Variants in KLHL25 observed in about 807,000 individuals in gnomAD.
KLHL25 encodes the protein kelch-like protein 25.
In KLHL25, 41 loss-of-function variants were observed where a neutral mutation model predicts 30.0. The observed-to-expected ratio is 1.37, with a 90% CI of 1.07 to 1.78. KLHL25 has a LOEUF of 1.78. KLHL25 is among the 40% of genes most tolerant of loss of function. The probability of loss-of-function intolerance (pLI) is 0.00; values close to 1 mark genes in which losing one functional copy is unlikely to be tolerated. For missense variants in KLHL25, 971 were observed against 824.5 expected (o/e 1.18, Z -2.18); for synonymous variants, 399 against 355.3 (o/e 1.12, Z -1.38).
intron 1 of KLHL25, among the ~76,000 whole-genome samples, chr15:85,772,714 G>C (rs2089685252): frequency 6.6e-6 from 1 of 152,204 alleles, no homozygotes; most frequent in Admixed American, 6.5e-5. Context: ...AATTGAAACA[G>C]GGCAGCCACA....
At chr15:85,762,120 G>A (rs540272730) in intron 2 of KLHL25, 3 of 152,404 alleles carry the variant, frequency 2.0e-5, no homozygotes, top group Admixed American at 6.5e-5. Context: ...TGGGTTCGGC[G>A]ACTGAGAAGG....
chr15:85,790,648 T>G (rs1202264508), intron 1 of KLHL25, among the ~76,000 whole-genome samples: 1 of 152,158 alleles, frequency 6.6e-6, no homozygotes, highest in Non-Finnish European at 1.5e-5. Context: ...CTGACTCAAG[T>G]GCTCTTTCTG....
rs576475874 is a variant in KLHL25, at chr15:85,768,864, T to C, written c.947A>G (p.Lys316Arg). 1.8e-5 allele frequency: 29 copies of C among 1,613,364 alleles called. No homozygotes were observed. The South Asian group carries it at 2.4e-4, about 13-fold the overall frequency. ...GGCCTTGGGGATGATCTCCTTGGCC[T>C]TGTGGTCCACCTGGTAGATCTTGTC... The part of the protein sequence containing the change: ...MCDKIYQVDH[K>R]AKEIIPKADL... Residue 316 changes from lysine to arginine, a missense_variant, in exon 2 of 3, where the codon AAG (lysine) becomes AGG (arginine). By Grantham distance (26) the Lys-to-Arg change is conservative (BLOSUM62 2). Coordinates refer to ENST00000337975, the MANE Select transcript of KLHL25 (RefSeq NM_022480.4).
rs2089563989 is a variant in KLHL25, at chr15:85,759,454, C to T, written c.*1582G>A. 2 of 152,496 alleles carry T rather than the reference C, an allele frequency of 1.3e-5. No individual in the cohort carries two copies. The highest frequency in any genetic ancestry group is 1.3e-4 in the Admixed American group (2 of 15,292). 9.4% of individuals were successfully genotyped at this position (152,496 alleles called of 1,614,324 possible). On this transcript the variant is annotated 3_prime_UTR_variant, in exon 3 of 3. Coordinates refer to ENST00000337975, the MANE Select transcript of KLHL25 (RefSeq NM_022480.4). ...ATCTCAATGAAGCAACCCCACGGGT[C>T]CAGGCACCCTCCCTGCAGTCCCCGC...
intron 1 of KLHL25, among the ~76,000 whole-genome samples, chr15:85,773,460 C>T (rs543043515): frequency 1.3e-5 from 2 of 152,344 alleles, no homozygotes; most frequent in South Asian, 2.1e-4. Context: ...GCCTCCTCCT[C>T]GCACTCACAC....
intron 1 of KLHL25, among the ~76,000 whole-genome samples, chr15:85,780,074 A>G (rs572758329): frequency 7.2e-5 from 11 of 152,328 alleles, no homozygotes; most frequent in Middle Eastern, 3.4e-3. Flanking sequence ...CAGCCCCTCT[A>G]AACTGTCAAG....
chr15:85,770,116 TC>T (rs1162976276), intron 1 of KLHL25, among the ~76,000 whole-genome samples: 6 of 152,302 alleles, frequency 3.9e-5, no homozygotes, highest in Admixed American at 3.3e-4. Context: ...TGAGGCTGCC[TC>T]CCATGGTTAA....
intron 1 of KLHL25, among the ~76,000 whole-genome samples, chr15:85,774,103 C>CG (rs1268920383): frequency 6.6e-6 from 1 of 152,086 alleles, no homozygotes; most frequent in South Asian, 2.1e-4. Flanking sequence ...CTCCCAGCGG[C>CG]GGGGGGTGGG....
Position 85,768,365 on chromosome 15 carries a change from C to T in KLHL25, c.1446G>A (p.Trp482Ter). Residue 482 changes from tryptophan (W) to a stop codon, truncating the protein, a stop_gained, in exon 2 of 3, where the codon TGG (tryptophan) becomes TGA (stop). Coordinates refer to ENST00000337975, the MANE Select transcript of KLHL25 (RefSeq NM_022480.4). LOFTEE classifies it high-confidence loss of function. ...CCAGGACGGCAGCGGCTGTGTACCG[C>T]CAAGGCTGGGGGCACTCGGCCTTGA... ...WTIKAECPQP[W>*]RYTAAAVLGS... The T allele has an allele frequency of 3.1e-6, 5 of 1,613,750 alleles. No individual in the cohort carries two copies. The highest frequency in any genetic ancestry group is 1.1e-5 in the South Asian group (1 of 91,086).
Position 85,794,856 on chromosome 15 carries a change from G to C in KLHL25, c.-101C>G, listed in dbSNP as rs978642640. The C allele has an allele frequency of 6.6e-6, 1 of 152,392 alleles. No homozygotes were observed. Among genetic ancestry groups the C allele is most frequent in the Non-Finnish European group, 1.5e-5 (1 of 68,150 alleles). The allele number at this position is 152,392 out of a possible 1,614,324, so 9.4% of individuals were successfully genotyped here. On this transcript the variant is annotated 5_prime_UTR_variant, in exon 1 of 3. Transcript: ENST00000337975. ...AACAGGCTCCGCCGCGGCTCCCGTCGGCCGGCTCTCCACAGGCAAAAACGC... is the reference window on the plus strand; with the variant it reads ...AACAGGCTCCGCCGCGGCTCCCGTCCGCCGGCTCTCCACAGGCAAAAACGC...
chr15:85,789,014 T>A lies in KLHL25; in HGVS notation c.-11+5752A>T, dbSNP rs964002638. ...AGCAAACCTGGCTGGCAGCTTGTCC[T>A]GGAGTTTGAATGAGCACAGCTTCTC... On this transcript the variant is annotated intron_variant, in intron 1 of 2. Coordinates refer to ENST00000337975, the MANE Select transcript of KLHL25 (RefSeq NM_022480.4). The surrounding 1 kb of genome is among the most constrained non-coding windows in gnomAD (Gnocchi z 4.1). Among the ~76,000 whole-genome samples the A allele has an allele frequency of 1.3e-5, 2 of 152,240 alleles. No homozygotes were observed. The highest frequency in any genetic ancestry group is 4.8e-5 in the African/African-American group (2 of 41,454).
chr15:85,790,111 C>CG (rs1567244454), intron 1 of KLHL25, among the ~76,000 whole-genome samples: 1 of 152,110 alleles, frequency 6.6e-6, no homozygotes, highest in African/African-American at 2.4e-5. Context: ...GTTGTTGAGA[C>CG]GGAGTTTCGC....
chr15:85,787,159 T>C (rs1414065086), intron 1 of KLHL25, among the ~76,000 whole-genome samples: 1 of 65,632 alleles, frequency 1.5e-5, no homozygotes, highest in African/African-American at 6.2e-5. Flanking sequence ...ACATCAAAAA[T>C]TTGGGGGCTG....
At chr15:85,791,428 G>A (rs1224530686) in intron 1 of KLHL25, among the ~76,000 whole-genome samples, 1 of 152,200 alleles carries the variant, frequency 6.6e-6, no homozygotes, top group African/African-American at 2.4e-5. Context: ...CCAGGAGGCA[G>A]AAGTTGCAGT....
At chr15:85,774,532 C>T (rs574259314) in intron 1 of KLHL25, among the ~76,000 whole-genome samples, 8 of 152,230 alleles carry the variant, frequency 5.3e-5, no homozygotes, top group Non-Finnish European at 7.4e-5. Context: ...TTCCAGTGAC[C>T]GAAAGCGAAA....
At chr15:85,761,685 A>C (rs2089584052) in intron 2 of KLHL25, 1 of 152,098 alleles carries the variant, frequency 6.6e-6, no homozygotes, top group South Asian at 2.1e-4. Flanking sequence ...CCTCTCACAT[A>C]CCACTCCGAG....
chr15:85,793,771 G>A (rs1419444306), intron 1 of KLHL25, among the ~76,000 whole-genome samples: 2 of 152,110 alleles, frequency 1.3e-5, no homozygotes, highest in Non-Finnish European at 2.9e-5. Context: ...TCTCTGCCCT[G>A]ACTACCGAGG....
chr15:85,772,956 C>T (rs562728374), intron 1 of KLHL25, among the ~76,000 whole-genome samples: 4 of 152,386 alleles, frequency 2.6e-5, no homozygotes, highest in East Asian at 1.9e-4. Flanking sequence ...GTTGTTTCCC[C>T]GGTTTGTCCC....
chr15:85,788,462 G>A (rs1215812576), intron 1 of KLHL25, among the ~76,000 whole-genome samples: 4 of 152,136 alleles, frequency 2.6e-5, no homozygotes, highest in Non-Finnish European at 4.4e-5. Context: ...GGAGAGGGTC[G>A]GGGAGGACCT....
Sources: gnomAD v4.1 joint callset for allele counts (sites outside exome capture counted in the v4.1 genomes callset) on GRCh38, gnomAD v4.1.1 for gene constraint, Gnocchi (gnomAD v3.1) non-coding constraint, MANE v1.5 for transcripts, NCBI Gene and HGNC (gene_info 2026-07-23, HGNC 2026-07-21) for gene names.